Variants in SNAPC4 observed in about 807,000 individuals in gnomAD.
The protein encoded by SNAPC4 is small nuclear RNA activating complex polypeptide 4.
A neutral mutation model predicts 151.3 loss-of-function variants in SNAPC4; 127 were observed. That is an observed-to-expected ratio of 0.84 (90% CI 0.73 to 0.97). The LOEUF (loss-of-function observed/expected upper bound fraction) is 0.97. Among genes scored for constraint, SNAPC4 ranks in the 50% least tolerant of loss-of-function variants. The pLI is 0.00. For synonymous variants in SNAPC4, 1,002 were observed against 824.4 expected, an observed-to-expected ratio of 1.22 and a Z score of -3.69; for missense variants, 2,186 against 1,935.0, an observed-to-expected ratio of 1.13 and a Z score of -2.43.
intron 11 of SNAPC4, 43 bp downstream of exon 11, chr9:136,388,401 G>T: frequency 1.3e-6 from 2 of 1,597,818 alleles, no homozygotes; most frequent in Non-Finnish European, 8.5e-7. Flanking sequence ...CTGATATGGG[G>T]CCCTGTGACA....
intron 3 of SNAPC4, among the ~76,000 whole-genome samples, chr9:136,396,345 G>A (rs1395955124): frequency 2.0e-5 from 3 of 152,244 alleles, no homozygotes; most frequent in Admixed American, 1.3e-4. Context: ...GTTTTCCAAA[G>A]TAAACAAAAG....
At chr9:136,380,879 T>G (rs1453080296) in intron 19 of SNAPC4, 29 bp from the exon 20 acceptor site, 5 of 1,359,590 alleles carry the variant, frequency 3.7e-6, no homozygotes, top group Admixed American at 3.4e-5. Context: ...AACCTAACCA[T>G]AGCTGCTTTC....
chr9:136,389,890 A>G (rs936605231), intron 10 of SNAPC4, among the ~76,000 whole-genome samples: 2 of 152,296 alleles, frequency 1.3e-5, no homozygotes, highest in Admixed American at 6.5e-5. Flanking sequence ...CAGTGACTAA[A>G]AACACTTCCC....
intron 3 of SNAPC4, among the ~76,000 whole-genome samples, chr9:136,396,278 A>G (rs1488782076): frequency 6.6e-6 from 1 of 152,248 alleles, no homozygotes; most frequent in Non-Finnish European, 1.5e-5. Context: ...CCACGCAAAC[A>G]TGAGGAAACT....
In SNAPC4 at chr9:136,383,691, T is replaced by TA; in HGVS notation, c.1501-24dup. 6.3e-7 allele frequency: 1 copy of TA among 1,581,210 alleles called. No homozygotes were observed. The highest frequency in any genetic ancestry group is 8.6e-7 in the Non-Finnish European group (1 of 1,162,738). On this transcript the variant is annotated intron_variant, in intron 15 of 23. Transcript: ENST00000684778. This position sits in a 1 kb window ranked among gnomAD's most constrained non-coding sequence, Gnocchi z 4.2. ...CTTCTGAGGGGAGGAAAGAGCTACTTAGAGGCCTTGGCAAGCCCGGTTCAC... is the reference window on the plus strand; with the variant it reads ...CTTCTGAGGGGAGGAAAGAGCTACTTAAGAGGCCTTGGCAAGCCCGGTTCAC...
Position 136,390,611 on chromosome 9 carries a change from C to G in SNAPC4, c.975+1331G>C, listed in dbSNP as rs542192582. The stretch of plus-strand genomic sequence containing the variant: ...AAAAGAGCTAATGAGCTAACGCAAG[C>G]TGGGCTGAATCCCTGGGTGATGGGC... On this transcript the variant is annotated intron_variant, in intron 10 of 23. Transcript: ENST00000684778. Among the ~76,000 whole-genome samples, 5 of 147,256 alleles carry G rather than the reference C, an allele frequency of 3.4e-5. No homozygotes were observed. In the Admixed American group the frequency reaches 3.4e-4, roughly 10 times the overall value.
intron 16 of SNAPC4, among the ~76,000 whole-genome samples, chr9:136,382,768 G>A (rs1030244294): frequency 6.6e-5 from 10 of 152,186 alleles, no homozygotes; most frequent in Non-Finnish European, 1.5e-4. Context: ...GGCCTGACAC[G>A]GTGAAGACCA....
chr9:136,386,988 G>A (rs555102096), intron 13 of SNAPC4, among the ~76,000 whole-genome samples: 12 of 152,258 alleles, frequency 7.9e-5, no homozygotes, highest in Non-Finnish European at 1.2e-4. Flanking sequence ...CAAGTGATCC[G>A]CCTGCCTTGA....
Position 136,378,048 on chromosome 9 carries a change from G to C in SNAPC4, c.3779C>G (p.Pro1260Arg), listed in dbSNP as rs772044384. The C allele has an allele frequency of 3.8e-6, 6 of 1,581,854 alleles. No homozygotes were observed. In the South Asian group the frequency reaches 6.8e-5, roughly 18 times the overall value. The change falls in exon 22 of 24, where the codon CCC (proline) becomes CGC (arginine). Residue 1260 changes from proline to arginine, a missense_variant. Transcript: ENST00000684778. Reference protein sequence around the residue: ...GALDLEKPPLPQPGPEKGALD... With the variant: ...GALDLEKPPLRQPGPEKGALD... ...GGCCCCCTTCTCAGGCCCAGGCTGGGGTAGGGGCGGCTTCTCCAGGTCCAG... is the reference window on the plus strand; with the variant it reads ...GGCCCCCTTCTCAGGCCCAGGCTGGCGTAGGGGCGGCTTCTCCAGGTCCAG...
intron 18 of SNAPC4, 85 bp downstream of exon 18, chr9:136,381,739 A>G (rs1437930054): frequency 2.0e-6 from 3 of 1,507,670 alleles, no homozygotes; most frequent in African/African-American, 1.4e-5. Flanking sequence ...CACTTCCCCA[A>G]GTAGCCACCG....
chr9:136,389,692 G>C (rs545801944), intron 10 of SNAPC4, among the ~76,000 whole-genome samples: 10 of 152,332 alleles, frequency 6.6e-5, no homozygotes, highest in African/African-American at 1.9e-4. Flanking sequence ...AGTGGAAAGA[G>C]AGACCCTTCT....
chr9:136,377,726 C>G lies in SNAPC4; in HGVS notation c.4101G>C (p.Arg1367=). Residue 1367 remains arginine (R), a synonymous_variant, in exon 22 of 24, where the codon CGG becomes CGC. Transcript: ENST00000684778. ...CAGGGAGGGTGAAGGCTGCCAGGAA[C>G]CGCGCCCGCAACAGGAGGTAGGCCG... The part of the protein sequence containing the change: ...DNPAYLLLRA[R]FLAAFTLPAL... 6.2e-7 allele frequency: 1 copy of G among 1,609,186 alleles called. No homozygotes were observed. Among genetic ancestry groups the G allele is most frequent in the Non-Finnish European group, 8.5e-7 (1 of 1,177,566 alleles).
In SNAPC4 at chr9:136,381,322, C is replaced by G. The variant is rs1475852823; in HGVS notation, c.2388G>C (p.Gln796His). 1.2e-6 allele frequency: 2 copies of G among 1,611,096 alleles called. No individual in the cohort carries two copies. Among genetic ancestry groups the G allele is most frequent in the South Asian group, 2.2e-5 (2 of 91,034 alleles). ...ACGAAGCTCTGCCCAAGTAGCTTACCTGGGTAAACAGGGTAAACACAGGGG... is the reference window on the plus strand; with the variant it reads ...ACGAAGCTCTGCCCAAGTAGCTTACGTGGGTAAACAGGGTAAACACAGGGG... Reference protein sequence around the residue: ...ASTPVFTLFTQLFHIDTAGCL... With the variant: ...ASTPVFTLFTHLFHIDTAGCL... Residue 796 changes from glutamine (Q) to histidine (H), a missense_variant and splice_region_variant, in exon 19 of 24, where the codon CAG (glutamine) becomes CAC (histidine). Coordinates refer to ENST00000684778, the MANE Select transcript of SNAPC4 (RefSeq NM_003086.4).
At chr9:136,397,675 A>T (rs11145885) in intron 2 of SNAPC4, among the ~76,000 whole-genome samples, 6 of 19,838 alleles carry the variant, frequency 3.0e-4, no homozygotes, top group African/African-American at 6.7e-4. Flanking sequence ...GCACGTGGGG[A>T]GGGGAGCACG....
chr9:136,377,624 C>T lies in SNAPC4; in HGVS notation c.4203G>A (p.Glu1401=). Residue 1401 remains glutamate, a synonymous_variant, in exon 22 of 24, where the codon GAG becomes GAA. Coordinates refer to ENST00000684778, the MANE Select transcript of SNAPC4 (RefSeq NM_003086.4). ...SVPSRVGSES[E]DEDLLSELEL... ...CCAGCTCACTCAGGAGGTCTTCATC[C>T]TCACTCTCAGAGCCCACCCTCGAAG... 2 of 1,572,486 alleles carry T rather than the reference C, an allele frequency of 1.3e-6. No homozygotes were observed. The highest frequency in any genetic ancestry group is 1.7e-4 in the Middle Eastern group (1 of 5,850).
rs187096011 is a variant in SNAPC4 at position 136,390,859 on chromosome 9, C to T, written c.975+1083G>A. ...TTATTTATTTTTTTTTTTTTTGAGA[C>T]GGAGTCTTGCTGTCGCCCAGGCTGG... is the stretch of plus-strand genomic sequence containing the variant. On this transcript the variant is annotated intron_variant, in intron 10 of 23. Transcript: ENST00000684778. Among the ~76,000 whole-genome samples the T allele has an allele frequency of 2.0e-4, 29 of 147,564 alleles. No homozygotes were observed. The East Asian group carries it at 4.6e-3, about 23-fold the overall frequency.
At chr9:136,377,444 G>A (rs977984422) in intron 22 of SNAPC4, 99 bp downstream of exon 22, 11 of 1,395,152 alleles carry the variant, frequency 7.9e-6, no homozygotes, top group Middle Eastern at 2.0e-4. Flanking sequence ...CTTCCTGCCC[G>A]CAACTTCCAC....
intron 21 of SNAPC4, among the ~76,000 whole-genome samples, chr9:136,379,504 C>T (rs1833610987): frequency 6.6e-6 from 1 of 152,228 alleles, no homozygotes; most frequent in East Asian, 1.9e-4. Context: ...GGGCAGTGGG[C>T]ACTCTGGGAA....
chr9:136,378,833 G>T lies in SNAPC4; in HGVS notation c.2994C>A (p.Gly998=). ...PLAPVFSEAE[G]TAPAASQAPA... is the part of the protein sequence containing the mutation. The stretch of plus-strand genomic sequence containing the variant: ...GGGCTTGGGAAGCAGCAGGGGCTGT[G>T]CCCTCGGCCTCTGAGAAGACAGGAG... Residue 998 remains glycine, a synonymous_variant, in exon 22 of 24, where the codon GGC becomes GGA. Coordinates refer to ENST00000684778, the MANE Select transcript of SNAPC4 (RefSeq NM_003086.4). The T allele has an allele frequency of 6.2e-7, 1 of 1,602,572 alleles. No individual in the cohort carries two copies. The highest frequency in any genetic ancestry group is 8.5e-7 in the Non-Finnish European group (1 of 1,174,872).
Sources: allele counts gnomAD v4.1 joint callset (sites outside exome capture counted in the v4.1 genomes callset), GRCh38; gene constraint gnomAD v4.1.1; non-coding constraint Gnocchi (gnomAD v3.1); transcripts MANE v1.5; gene names NCBI Gene and HGNC (gene_info 2026-07-23, HGNC 2026-07-21).